Variants in GPHN observed in about 807,000 individuals in gnomAD.
GPHN encodes the protein gephyrin.
In GPHN, 17 loss-of-function variants were observed where a neutral mutation model predicts 95.5. The observed-to-expected ratio is 0.18, with a 90% CI of 0.12 to 0.27. The LOEUF is 0.27. GPHN is among the 10% of genes least tolerant of loss of function. The pLI is 1.00. For missense variants in GPHN, 660 were observed against 978.1 expected, an observed-to-expected ratio of 0.67 and a Z score of 4.34; for synonymous variants, 320 against 322.5, an observed-to-expected ratio of 0.99 and a Z score of 0.08.
the GPHN span, among the ~76,000 whole-genome samples, chr14:67,479,422 A>G: frequency 4.6e-5 from 7 of 151,614 alleles, no homozygotes; most frequent in Admixed American, 4.6e-4. Context: ...AAAAAAAAAA[A>G]AAATGCTTGT....
At chr14:66,821,834 A>G (rs1422207289) in intron 3 of GPHN, among the ~76,000 whole-genome samples, 2 of 152,224 alleles carry the variant, frequency 1.3e-5, no homozygotes, top group Admixed American at 6.5e-5. Context: ...TAGATTCTTA[A>G]TTGCTCTCAA....
At chr14:67,636,887 G>C in the GPHN span, among the ~76,000 whole-genome samples, 10 of 152,190 alleles carry the variant, frequency 6.6e-5, no homozygotes, top group Non-Finnish European at 8.8e-5. Flanking sequence ...TTAGAAGAAA[G>C]AGCAGCAATG....
intron 11 of GPHN, among the ~76,000 whole-genome samples, chr14:67,088,323 C>A (rs1242375549): frequency 6.6e-6 from 1 of 152,072 alleles, no homozygotes; most frequent in Non-Finnish European, 1.5e-5. Flanking sequence ...CATGTATGTT[C>A]TTTCCTTTTC....
the GPHN span, chr14:67,412,074 G>T: frequency 3.9e-6 from 6 of 1,534,942 alleles, no homozygotes; most frequent in Admixed American, 2.0e-5. Context: ...CCGCCCGCAC[G>T]CCAGGGCCAC....
At chr14:67,288,663 A>G in the GPHN span, among the ~76,000 whole-genome samples, 3 of 152,130 alleles carry the variant, frequency 2.0e-5, no homozygotes, top group Non-Finnish European at 4.4e-5. Flanking sequence ...TGCTTTTAAG[A>G]CACTTTAAGG....
the GPHN span, chr14:67,352,860 AAT>A: frequency 9.1e-7 from 1 of 1,093,642 alleles, no homozygotes; most frequent in Non-Finnish European, 1.3e-6. Context: ...CAAAAAAAAA[AAT>A]GCCAAGGGCC....
chr14:67,649,465 A>C, the GPHN span: 1 of 152,168 alleles, frequency 6.6e-6, no homozygotes, highest in Non-Finnish European at 1.5e-5. Context: ...TACATAAAGC[A>C]GTTTGCTTAA....
At chr14:66,762,435 C>A (rs1053920774) in intron 2 of GPHN, among the ~76,000 whole-genome samples, 1 of 151,952 alleles carries the variant, frequency 6.6e-6, no homozygotes, top group African/African-American at 2.4e-5. Flanking sequence ...TGGTCGATAT[C>A]TTTAATGATA....
the GPHN span, chr14:67,589,277 C>T: frequency 1.1e-6 from 1 of 888,230 alleles, no homozygotes; most frequent in Non-Finnish European, 1.3e-6. Context: ...GTTTATTAAT[C>T]TTATACAGAA....
At chr14:66,834,330 C>T (rs2061704254) in intron 4 of GPHN, among the ~76,000 whole-genome samples, 1 of 151,894 alleles carries the variant, frequency 6.6e-6, no homozygotes, top group African/African-American at 2.4e-5. Flanking sequence ...AAAATGGTGC[C>T]AGTATAAAAA....
At chr14:66,722,655 C>A (rs974948618) in intron 2 of GPHN, among the ~76,000 whole-genome samples, 2 of 151,964 alleles carry the variant, frequency 1.3e-5, no homozygotes, top group Non-Finnish European at 2.9e-5. Flanking sequence ...TGTTGCCCAG[C>A]CTGGCTTGAA....
chr14:67,068,516 G>A (rs1478377101), intron 11 of GPHN, among the ~76,000 whole-genome samples: 1 of 152,144 alleles, frequency 6.6e-6, no homozygotes, highest in East Asian at 1.9e-4. Context: ...ATCAACTTCT[G>A]TAAGGCAGAT....
chr14:67,690,699 G>T, the GPHN span: 1 of 438,076 alleles, frequency 2.3e-6, no homozygotes, highest in Non-Finnish European at 4.2e-6. Context: ...TTAAGAGCTG[G>T]TTGGCTGGGT....
At chr14:66,624,777 A>G (rs1376014649) in intron 1 of GPHN, among the ~76,000 whole-genome samples, 2 of 152,226 alleles carry the variant, frequency 1.3e-5, no homozygotes, top group Non-Finnish European at 2.9e-5. Context: ...ACTATTTACT[A>G]TCTGCTCTTT....
intron 2 of GPHN, among the ~76,000 whole-genome samples, chr14:66,738,735 C>T (rs183036312): frequency 2.8e-3 from 425 of 151,826 alleles, no homozygotes; most frequent in African/African-American, 1.0e-2. Context: ...GTATTTATTC[C>T]CATAATAAAT....
At chr14:67,489,727 A>T in the GPHN span, among the ~76,000 whole-genome samples, 5 of 152,202 alleles carry the variant, frequency 3.3e-5, no homozygotes, top group Non-Finnish European at 7.3e-5. Context: ...GCGGTGGCTC[A>T]CGCCTGTAAT....
intron 12 of GPHN, among the ~76,000 whole-genome samples, chr14:67,096,770 GCA>G (rs1451653692): frequency 7.5e-6 from 1 of 132,500 alleles, no homozygotes; most frequent in Non-Finnish European, 1.5e-5. Flanking sequence ...TAGACTACAG[GCA>G]CACACCACCA....
chr14:66,916,956 T>G (rs1286823808), intron 6 of GPHN, among the ~76,000 whole-genome samples: 1 of 152,186 alleles, frequency 6.6e-6, no homozygotes, highest in Non-Finnish European at 1.5e-5. Context: ...TGCCTAAGAT[T>G]TGGCCAAGGC....
chr14:67,002,373 G>A (rs1157960525), intron 9 of GPHN, among the ~76,000 whole-genome samples: 1 of 123,976 alleles, frequency 8.1e-6, no homozygotes, highest in Non-Finnish European at 1.6e-5. Flanking sequence ...CTTACCATGT[G>A]ATTTTAGGGC....
Sources: allele counts gnomAD v4.1 joint callset (sites outside exome capture counted in the v4.1 genomes callset), GRCh38; gene constraint gnomAD v4.1.1; transcripts MANE v1.5; gene names NCBI Gene and HGNC (gene_info 2026-07-23, HGNC 2026-07-21).